The following MTAP variants were observed in gnomAD, a reference collection of about 807,000 sequenced individuals.
MTAP encodes S-methyl-5'-thioadenosine phosphorylase.
MTAP carries 33 observed loss-of-function variants against 33.6 expected under a neutral mutation model. The observed-to-expected ratio is 0.98, with a 90% CI of 0.74 to 1.31. The LOEUF (loss-of-function observed/expected upper bound fraction) is 1.31, where lower values mean the gene tolerates loss of function less well. Among genes scored for constraint, MTAP ranks in the 40% most tolerant of loss-of-function variants. The pLI is 0.00. For missense variants in MTAP, 367 were observed against 360.0 expected (o/e 1.02, Z -0.16); for synonymous variants, 148 against 125.7 (o/e 1.18, Z -1.19).
chr9:21,864,058 T>C lies in MTAP; in HGVS notation c.*2044T>C. 1 of 985,486 alleles carries C rather than the reference T, an allele frequency of 1.0e-6. No homozygotes were observed. The highest frequency in any genetic ancestry group is 4.7e-5 in the South Asian group (1 of 21,276). 61.0% of individuals were successfully genotyped at this position (985,486 alleles called of 1,614,324 possible). ...ATGATACATAGATGGTACCTTACTT[T>C]TCCTCATTCTTAATAGGTGTCTAAG... On this transcript the variant is annotated 3_prime_UTR_variant, in exon 8 of 8. Transcript: ENST00000644715.
At chr9:21,932,177 G>A (rs1055641147), downstream of MTAP, 13 of 152,210 alleles carry the variant, frequency 8.5e-5, no homozygotes, top group Non-Finnish European at 1.8e-4. Context: ...GGCAGTAGGG[G>A]TGATCTGATC....
intron 5 of MTAP, among the ~76,000 whole-genome samples, chr9:21,841,376 G>T (rs765057313): frequency 2.6e-5 from 4 of 152,210 alleles, no homozygotes; most frequent in Admixed American, 2.6e-4. Context: ...GGACGGAAAA[G>T]ACAACACCTA....
intron 1 of MTAP, 122 bp from the exon 2 acceptor site, chr9:21,815,311 A>C: frequency 1.6e-6 from 1 of 632,848 alleles, no homozygotes; most frequent in Non-Finnish European, 2.6e-6. Flanking sequence ...TCAGATTTCA[A>C]AAAAATAACT....
chr9:21,870,319 A>T (rs1825918254), downstream of MTAP, among the ~76,000 whole-genome samples: 1 of 152,192 alleles, frequency 6.6e-6, no homozygotes, highest in Non-Finnish European at 1.5e-5. Flanking sequence ...GTAACTCCCA[A>T]CACACACACT....
intron 4 of MTAP, among the ~76,000 whole-genome samples, chr9:21,822,558 T>C (rs1250036132): frequency 6.6e-6 from 1 of 152,166 alleles, no homozygotes; most frequent in African/African-American, 2.4e-5. Context: ...AACTATGTGG[T>C]CAATTTTGGA....
intron 6 of MTAP, among the ~76,000 whole-genome samples, chr9:21,856,873 T>A (rs1245084340): frequency 1.3e-5 from 2 of 152,204 alleles, no homozygotes; most frequent in African/African-American, 2.4e-5. Flanking sequence ...ATTGGGCGAG[T>A]TATTTCACTT....
chr9:21,908,913 C>G (rs1196186700), intron 1 of MTAP, among the ~76,000 whole-genome samples: 4 of 151,850 alleles, frequency 2.6e-5, no homozygotes, highest in African/African-American at 9.7e-5. Flanking sequence ...TTCCCTTCCC[C>G]TTCCCCATTT....
chr9:21,893,926 TACACACACACAC>T (rs57749079), intron 1 of MTAP: 7 of 147,166 alleles, frequency 4.8e-5, no homozygotes, highest in South Asian at 2.2e-4. Context: ...ATCATTCTGA[TACACACACACAC>T]ACACACACAC....
At chr9:21,821,102 T>G (rs1288178788) in intron 4 of MTAP, among the ~76,000 whole-genome samples, 2 of 152,220 alleles carry the variant, frequency 1.3e-5, no homozygotes, top group Non-Finnish European at 2.9e-5. Flanking sequence ...TTTTCCTAAT[T>G]GAATACCCTT....
intron 1 of MTAP, among the ~76,000 whole-genome samples, chr9:21,888,115 G>T (rs996940540): frequency 6.6e-6 from 1 of 152,082 alleles, no homozygotes; most frequent in African/African-American, 2.4e-5. Flanking sequence ...TAATTTCCAT[G>T]TATTTTCATG....
chr9:21,903,437 T>C (rs1365190846), intron 1 of MTAP, among the ~76,000 whole-genome samples: 1 of 152,300 alleles, frequency 6.6e-6, no homozygotes, highest in East Asian at 1.9e-4. Context: ...AACAGAGTTG[T>C]TGGGAGAAGA....
At chr9:21,807,950 C>T (rs1824248815) in intron 1 of MTAP, among the ~76,000 whole-genome samples, 1 of 152,206 alleles carries the variant, frequency 6.6e-6, no homozygotes, top group Non-Finnish European at 1.5e-5. Context: ...TCTGGATCCT[C>T]ACCTGTGGTT....
In MTAP at chr9:21,866,408, T is replaced by C. The variant is rs971891868; in HGVS notation, c.*4394T>C. 6.6e-6 allele frequency: 1 copy of C among 152,190 alleles called. No individual in the cohort carries two copies. The highest frequency in any genetic ancestry group is 1.5e-5 in the Non-Finnish European group (1 of 68,024). The allele number at this position is 152,190 out of a possible 1,614,324, so 9.4% of individuals were successfully genotyped here. ...AAGCCTAGTTTATCAATTTTTTTTA[T>C]GGTTGGTGCTTTTTGTGTGTTCCAA... is the stretch of plus-strand genomic sequence containing the variant. On this transcript the variant is annotated 3_prime_UTR_variant, in exon 8 of 8. Coordinates refer to ENST00000644715, the MANE Select transcript of MTAP (RefSeq NM_002451.4).
chr9:21,885,318 C>T (rs1741142295), intron 1 of MTAP, among the ~76,000 whole-genome samples: 1 of 152,074 alleles, frequency 6.6e-6, no homozygotes, highest in Non-Finnish European at 1.5e-5. Context: ...CATGTATACT[C>T]CAATATATTT....
At chr9:21,872,009 A>T (rs115395737), downstream of MTAP, among the ~76,000 whole-genome samples, 1,004 of 152,302 alleles carry the variant, frequency 6.6e-3, 8 homozygotes, top group African/African-American at 0.023. Flanking sequence ...TGTTTTAACC[A>T]TTATGCTAAA....
rs562605512 is a variant in MTAP at position 21,862,738 on chromosome 9, C to A, written c.*724C>A. 4 of 163,512 alleles carry A rather than the reference C, an allele frequency of 2.4e-5. No individual in the cohort carries two copies. The South Asian group carries it at 8.0e-4, about 33-fold the overall frequency. 10.1% of individuals were successfully genotyped at this position (163,512 alleles called of 1,614,324 possible). A position where few individuals can be genotyped will look rare whatever the true frequency, so the allele number is the denominator to read the frequency against. ...ATGAAGTGAAAAAAGGATATGGTAG[C>A]ATTTTATAGTACTAGTTTTGCTTTA... On this transcript the variant is annotated 3_prime_UTR_variant, in exon 8 of 8. Coordinates refer to ENST00000644715, the MANE Select transcript of MTAP (RefSeq NM_002451.4).
Position 21,864,848 on chromosome 9 carries a change from T to C in MTAP, c.*2834T>C. On this transcript the variant is annotated 3_prime_UTR_variant, in exon 8 of 8. Coordinates refer to ENST00000644715, the MANE Select transcript of MTAP (RefSeq NM_002451.4). ...ATCCACAGGATGCTCCTGGAGCCTC[T>C]TCTCTGGCTGCTACCTCAGGGCATG... 1 of 985,494 alleles carries C rather than the reference T, an allele frequency of 1.0e-6. No individual in the cohort carries two copies. The allele number at this position is 985,494 out of a possible 1,614,324, so 61.0% of individuals were successfully genotyped here.
intron 1 of MTAP, chr9:21,803,221 C>A: frequency 3.0e-6 from 1 of 338,472 alleles, no homozygotes. Context: ...TGACCGTCTC[C>A]TGGTGCCTTG....
chr9:21,859,755 G>A (rs1825717058), intron 7 of MTAP: 1 of 176,056 alleles, frequency 5.7e-6, no homozygotes, highest in Non-Finnish European at 1.2e-5. Flanking sequence ...TTACATTGTT[G>A]ACAAAGCTAT....
Sources: allele counts gnomAD v4.1 joint callset (sites outside exome capture counted in the v4.1 genomes callset), GRCh38; gene constraint gnomAD v4.1.1; transcripts MANE v1.5; gene names NCBI Gene and HGNC (gene_info 2026-07-23, HGNC 2026-07-21).